EPHA7: variants seen among roughly 807,000 people sequenced by gnomAD.
The protein encoded by EPHA7 is ephrin type-A receptor 7.
EPHA7 carries 25 observed loss-of-function variants against 112.6 expected under a neutral mutation model. The ratio of observed to expected loss-of-function variants is 0.22; its 90% confidence interval spans 0.16 to 0.31. The LOEUF is 0.31. Ranked by LOEUF, EPHA7 falls within the 10% of genes least tolerant of loss-of-function variation. The pLI is 1.00. For synonymous variants in EPHA7, 437 were observed against 406.5 expected (o/e 1.07, Z -0.90); for missense variants, 962 against 1,212.6 (o/e 0.79, Z 3.07).
At chr6:93,245,221 A>G in intron 16 of EPHA7, 77 bp downstream of exon 16, 1 of 1,334,954 alleles carries the variant, frequency 7.5e-7, no homozygotes, top group Non-Finnish European at 1.0e-6. Flanking sequence ...TTTTAATATA[A>G]AGAAGATAAC....
At chr6:93,395,595 A>G (rs968209275) in intron 3 of EPHA7, among the ~76,000 whole-genome samples, 4 of 151,566 alleles carry the variant, frequency 2.6e-5, no homozygotes, top group African/African-American at 9.7e-5. Flanking sequence ...ACACACACAC[A>G]CACACACACA....
chr6:93,357,740 G>A (rs1023089797), intron 4 of EPHA7, among the ~76,000 whole-genome samples: 14 of 149,780 alleles, frequency 9.3e-5, no homozygotes, highest in East Asian at 2.0e-4. Flanking sequence ...TGCAACCTCC[G>A]CCTCCCAGGT....
At chr6:93,399,799 G>A (rs1410963582) in intron 3 of EPHA7, among the ~76,000 whole-genome samples, 2 of 152,002 alleles carry the variant, frequency 1.3e-5, no homozygotes, top group African/African-American at 4.8e-5. Flanking sequence ...ACTGGAAAGA[G>A]TAAGATGTGA....
chr6:93,407,834 T>C (rs1778793302), intron 3 of EPHA7, among the ~76,000 whole-genome samples: 1 of 152,012 alleles, frequency 6.6e-6, no homozygotes, highest in Admixed American at 6.6e-5. Flanking sequence ...TAAGTAATTT[T>C]ACAGTACCAT....
intron 5 of EPHA7, among the ~76,000 whole-genome samples, chr6:93,341,315 T>A (rs1775124317): frequency 6.6e-6 from 1 of 151,756 alleles, no homozygotes; most frequent in Non-Finnish European, 1.5e-5. Flanking sequence ...CATAAAACAT[T>A]TATGCATTTT....
chr6:93,349,768 GAATT>G (rs1295540626), intron 5 of EPHA7, among the ~76,000 whole-genome samples: 5 of 151,400 alleles, frequency 3.3e-5, no homozygotes, highest in Non-Finnish European at 7.4e-5. Context: ...AATTTAAATG[GAATT>G]AATTTACTTA....
intron 14 of EPHA7, among the ~76,000 whole-genome samples, chr6:93,252,018 G>C (rs927790246): frequency 3.9e-5 from 6 of 152,032 alleles, no homozygotes; most frequent in African/African-American, 1.4e-4. Flanking sequence ...ATTTGAGTAT[G>C]AGTCTGGTCA....
intron 2 of EPHA7, 94 bp from the exon 3 acceptor site, chr6:93,411,264 A>G: frequency 9.8e-7 from 1 of 1,023,588 alleles, no homozygotes; most frequent in Non-Finnish European, 1.5e-6. Flanking sequence ...GATCTTCGAA[A>G]AAGTTAGGTT....
At chr6:93,360,474 T>C (rs1331152505) in intron 3 of EPHA7, among the ~76,000 whole-genome samples, 1 of 152,162 alleles carries the variant, frequency 6.6e-6, no homozygotes, top group Admixed American at 6.6e-5. Context: ...TTGATGACAT[T>C]GTGTGTATGT....
intron 14 of EPHA7, 47 bp downstream of exon 14, chr6:93,254,600 C>G: frequency 2.6e-6 from 4 of 1,524,070 alleles, no homozygotes; most frequent in Non-Finnish European, 2.7e-6. Flanking sequence ...GTAATACTGG[C>G]CATTAATGTA....
At chr6:93,283,009 G>A (rs1402488382) in intron 5 of EPHA7, among the ~76,000 whole-genome samples, 1 of 152,232 alleles carries the variant, frequency 6.6e-6, no homozygotes, top group Non-Finnish European at 1.5e-5. Flanking sequence ...GCGCGGGACT[G>A]GCAGGCAGCT....
At position 93,342,007 on chromosome 6, in the gene EPHA7, C is replaced by T. The variant is rs1342482137; in HGVS notation, c.1324+14710G>A. ...GAAAAAGGCCCAAGACCCACTCAAG[C>T]ACACATAATTCTGAAGGTCTGTCTG... On this transcript the variant is annotated intron_variant, in intron 5 of 16. Coordinates refer to ENST00000369303, the MANE Select transcript of EPHA7 (RefSeq NM_004440.4). Among the ~76,000 whole-genome samples the T allele has an allele frequency of 2.6e-5, 4 of 151,828 alleles. No homozygotes were observed. In the Admixed American group the frequency reaches 2.6e-4, roughly 10 times the overall value.
chr6:93,304,913 A>G (rs1267468558), intron 5 of EPHA7, among the ~76,000 whole-genome samples: 1 of 152,018 alleles, frequency 6.6e-6, no homozygotes, highest in Non-Finnish European at 1.5e-5. Flanking sequence ...CCTCTTCTAC[A>G]TTATGAAATA....
chr6:93,281,653 G>A (rs183907198), intron 5 of EPHA7, among the ~76,000 whole-genome samples: 14 of 152,172 alleles, frequency 9.2e-5, no homozygotes, highest in Admixed American at 9.2e-4. Context: ...AACATTTTCA[G>A]TTGTGCACAT....
intron 14 of EPHA7, among the ~76,000 whole-genome samples, chr6:93,253,667 AG>A (rs1770313680): frequency 1.3e-5 from 2 of 152,064 alleles, no homozygotes; most frequent in African/African-American, 2.4e-5. Context: ...GTTATAGAAA[AG>A]TGAGTCCATT....
At chr6:93,270,063 A>G (rs1771137475) in intron 6 of EPHA7, among the ~76,000 whole-genome samples, 1 of 151,734 alleles carries the variant, frequency 6.6e-6, no homozygotes, top group African/African-American at 2.4e-5. Context: ...TCAGCAAGAA[A>G]AAAAGCCAGA....
At chr6:93,267,836 G>GAA in intron 7 of EPHA7, among the ~76,000 whole-genome samples, 1 of 151,748 alleles carries the variant, frequency 6.6e-6, no homozygotes, top group Middle Eastern at 3.4e-3. Context: ...AATTCATCTT[G>GAA]AAACTTTTGA....
At position 93,255,989 on chromosome 6, in the gene EPHA7, C is replaced by T. The variant is rs752253692; in HGVS notation, c.2221G>A (p.Gly741Arg). The change falls in exon 13 of 17, where the codon GGA becomes AGA. Residue 741 changes from glycine (G) to arginine (R), a missense_variant. Around this residue, in one of 3 missense-constraint regions of EPHA7, gnomAD observed 746 missense variants for 889.2 expected, o/e 0.84. Transcript: ENST00000369303. ...TVIQLVGMLR[G>R]IAAGMRYLAD... ...AAATATCTCATTCCAGCAGCAATTC[C>T]TCTCAGCATTCCTACTAACTGAATG... is the stretch of plus-strand genomic sequence containing the variant. 6.2e-7 allele frequency: 1 copy of T among 1,613,936 alleles called. No homozygotes were observed. The highest frequency in any genetic ancestry group is 8.5e-7 in the Non-Finnish European group (1 of 1,179,998).
intron 3 of EPHA7, among the ~76,000 whole-genome samples, chr6:93,402,373 C>T (rs1347315306): frequency 1.3e-5 from 2 of 151,918 alleles, no homozygotes; most frequent in East Asian, 1.9e-4. Flanking sequence ...AATGATATTT[C>T]TCCATGTTTT....
Sources: allele counts gnomAD v4.1 joint callset (sites outside exome capture counted in the v4.1 genomes callset), GRCh38; gene constraint gnomAD v4.1.1; regional missense constraint gnomAD v4.1.1; transcripts MANE v1.5; gene names NCBI Gene and HGNC (gene_info 2026-07-23, HGNC 2026-07-21).